The following DACH1 variants were observed in gnomAD, a reference collection of about 807,000 sequenced individuals.
DACH1 encodes the protein dachshund family transcription factor 1.
DACH1 carries 12 observed loss-of-function variants against 54.2 expected under a neutral mutation model. That is an observed-to-expected ratio of 0.22 (90% CI 0.14 to 0.36). The LOEUF is 0.36. DACH1 is among the 10% of genes least tolerant of loss of function. The pLI is 1.00. For missense variants in DACH1, 805 were observed against 929.8 expected (o/e 0.87, Z 1.75); for synonymous variants, 386 against 366.2 (o/e 1.05, Z -0.62).
At chr13:71,772,405 C>A (rs550866064) in intron 1 of DACH1, among the ~76,000 whole-genome samples, 2 of 151,672 alleles carry the variant, frequency 1.3e-5, no homozygotes, top group South Asian at 2.1e-4. Flanking sequence ...GTGCAGAGAG[C>A]TTTTTTTCAC....
chr13:71,572,769 T>C (rs1885292176), intron 4 of DACH1, 71 bp downstream of exon 4: 3 of 1,482,528 alleles, frequency 2.0e-6, no homozygotes, highest in South Asian at 1.3e-5. Context: ...ACTTATGGAA[T>C]AAGAAAAATG....
At chr13:71,748,174 G>GA (rs757833092) in intron 1 of DACH1, among the ~76,000 whole-genome samples, 109 of 140,392 alleles carry the variant, frequency 7.8e-4, no homozygotes, top group East Asian at 2.5e-3. Context: ...ATTGGGATCT[G>GA]AAAAAAAAAA....
At chr13:71,641,783 T>C (rs996198505) in intron 2 of DACH1, among the ~76,000 whole-genome samples, 1 of 152,178 alleles carries the variant, frequency 6.6e-6, no homozygotes, top group Admixed American at 6.5e-5. Context: ...GAGTGTGACT[T>C]AGACAAATTA....
At chr13:71,693,241 A>G (rs1881614488) in intron 1 of DACH1, among the ~76,000 whole-genome samples, 1 of 150,926 alleles carries the variant, frequency 6.6e-6, no homozygotes, top group South Asian at 2.1e-4. Flanking sequence ...CCACATACAC[A>G]CACACATACA....
chr13:71,443,670 A>G (rs1874202590), intron 10 of DACH1, among the ~76,000 whole-genome samples: 1 of 152,154 alleles, frequency 6.6e-6, no homozygotes, highest in African/African-American at 2.4e-5. Context: ...GACATGCACA[A>G]ACTGTGTCTA....
At chr13:71,821,758 C>T (rs982005447) in intron 1 of DACH1, among the ~76,000 whole-genome samples, 12 of 152,148 alleles carry the variant, frequency 7.9e-5, no homozygotes, top group Admixed American at 2.0e-4. Flanking sequence ...AACTATTAAA[C>T]GACTGCAGTA....
intron 1 of DACH1, among the ~76,000 whole-genome samples, chr13:71,736,058 A>C (rs1362947338): frequency 6.6e-6 from 1 of 152,184 alleles, no homozygotes; most frequent in African/African-American, 2.4e-5. Context: ...AGCTGTGTAC[A>C]GAGAGTATGG....
chr13:71,857,190 A>G (rs916339755), intron 1 of DACH1, among the ~76,000 whole-genome samples: 6 of 151,794 alleles, frequency 4.0e-5, no homozygotes, highest in Admixed American at 1.3e-4. Context: ...TATCATAAAA[A>G]AGGTTTAGAA....
At chr13:71,483,621 A>G (rs1878247123) in intron 7 of DACH1, among the ~76,000 whole-genome samples, 1 of 150,334 alleles carries the variant, frequency 6.7e-6, no homozygotes, top group Admixed American at 6.7e-5. Context: ...TTTAAAATAT[A>G]TTGAAAAGTA....
intron 10 of DACH1, among the ~76,000 whole-genome samples, chr13:71,441,113 C>A (rs1433506076): frequency 6.6e-6 from 1 of 152,038 alleles, no homozygotes; most frequent in Admixed American, 6.6e-5. Context: ...TACTCTTTAG[C>A]AGTGTTGTTA....
intron 3 of DACH1, among the ~76,000 whole-genome samples, chr13:71,623,255 G>A (rs1409482753): frequency 6.6e-6 from 1 of 151,520 alleles, no homozygotes; most frequent in Non-Finnish European, 1.5e-5. Flanking sequence ...GAGAGAAAAT[G>A]CAGAATAATG....
At chr13:71,569,943 T>C (rs899371550) in intron 4 of DACH1, among the ~76,000 whole-genome samples, 1 of 152,176 alleles carries the variant, frequency 6.6e-6, no homozygotes, top group Non-Finnish European at 1.5e-5. Context: ...CACTTATTAA[T>C]AGAATCTTCC....
Position 71,486,113 on chromosome 13 carries a change from G to A in DACH1, c.1722+2884C>T, listed in dbSNP as rs1397977755. On this transcript the variant is annotated intron_variant, in intron 7 of 10. Coordinates refer to ENST00000613252, the MANE Select transcript of DACH1 (RefSeq NM_080759.6). ...AATTTTGATGATGATGTCATGGAAAGGACATCTGTGGTAATCATTACAAAT... is the reference window on the plus strand; with the variant it reads ...AATTTTGATGATGATGTCATGGAAAAGACATCTGTGGTAATCATTACAAAT... 2.0e-5 allele frequency among the ~76,000 whole-genome samples: 3 copies of A among 151,704 alleles called. No homozygotes were observed. In the East Asian group the frequency reaches 5.8e-4, roughly 29 times the overall value.
At chr13:71,862,395 C>T (rs1874418615) in intron 1 of DACH1, among the ~76,000 whole-genome samples, 1 of 152,022 alleles carries the variant, frequency 6.6e-6, no homozygotes, top group African/African-American at 2.4e-5. Flanking sequence ...TAACTGACCT[C>T]TGTTGCAACA....
chr13:71,643,087 T>C (rs1329810962), intron 2 of DACH1, among the ~76,000 whole-genome samples: 4 of 152,128 alleles, frequency 2.6e-5, no homozygotes, highest in African/African-American at 9.7e-5. Context: ...CTTTTCTTCT[T>C]AAGATGAAGT....
At chr13:71,560,299 T>G (rs551703395) in intron 4 of DACH1, among the ~76,000 whole-genome samples, 6 of 152,130 alleles carry the variant, frequency 3.9e-5, no homozygotes, top group Non-Finnish European at 8.8e-5. Flanking sequence ...AAGGATTATT[T>G]ATCATTTTGA....
chr13:71,837,302 CTG>C (rs1888830486), intron 1 of DACH1, among the ~76,000 whole-genome samples: 1 of 152,068 alleles, frequency 6.6e-6, no homozygotes, highest in African/African-American at 2.4e-5. Flanking sequence ...TATGAAATGA[CTG>C]TTGGATTCAC....
intron 6 of DACH1, among the ~76,000 whole-genome samples, chr13:71,496,797 C>T (rs1376980701): frequency 6.6e-6 from 1 of 152,186 alleles, no homozygotes; most frequent in Non-Finnish European, 1.5e-5. Context: ...TGAAATATCA[C>T]ATTAAAATTT....
chr13:71,715,944 A>G (rs550378775), intron 1 of DACH1, among the ~76,000 whole-genome samples: 1 of 152,158 alleles, frequency 6.6e-6, no homozygotes, highest in African/African-American at 2.4e-5. Context: ...TTTGAAATCT[A>G]TCTTTCTAGA....
Sources: allele counts gnomAD v4.1 joint callset (sites outside exome capture counted in the v4.1 genomes callset), GRCh38; gene constraint gnomAD v4.1.1; transcripts MANE v1.5; gene names NCBI Gene and HGNC (gene_info 2026-07-23, HGNC 2026-07-21).